SPPL2A: variants seen among roughly 807,000 people sequenced by gnomAD.
SPPL2A encodes signal peptide peptidase like 2A.
SPPL2A carries 51 observed loss-of-function variants against 63.8 expected under a neutral mutation model. That is an observed-to-expected ratio of 0.80 (90% confidence interval 0.64 to 1.01). The LOEUF is 1.01. Ranked by LOEUF, SPPL2A falls within the 50% of genes least tolerant of loss-of-function variation. SPPL2A has a pLI of 0.00. For missense variants in SPPL2A, 553 were observed against 622.7 expected (o/e 0.89, Z 1.19); for synonymous variants, 188 against 205.8 (o/e 0.91, Z 0.74).
chr15:50,732,525 T>C, intron 9 of SPPL2A, 78 bp downstream of exon 9: 1 of 838,116 alleles, frequency 1.2e-6, no homozygotes, highest in Non-Finnish European at 1.9e-6. Flanking sequence ...GCGCATTTAA[T>C]TGTAGGTAAA....
In SPPL2A at chr15:50,704,780, T is replaced by A. The variant is rs2141012591; in HGVS notation, c.*3020A>T. On this transcript the variant is annotated 3_prime_UTR_variant, in exon 15 of 15. Coordinates refer to ENST00000261854, the MANE Select transcript of SPPL2A (RefSeq NM_032802.4). ...GTCAGCTTGGTTGCTACACATTTAA[T>A]TACAATATAAAGTTGACATTGAGGA... 6.6e-6 allele frequency: 1 copy of A among 152,340 alleles called. No individual in the cohort carries two copies. The allele number at this position is 152,340 out of a possible 1,614,324, so 9.4% of individuals were successfully genotyped here. A position where few individuals can be genotyped will look rare whatever the true frequency, so the allele number is the denominator to read the frequency against.
intron 1 of SPPL2A, 129 bp from the exon 2 acceptor site, chr15:50,749,875 TTTC>T: frequency 1.6e-6 from 1 of 643,640 alleles, no homozygotes; most frequent in Non-Finnish European, 2.8e-6. Flanking sequence ...CATGAATTTG[TTTC>T]TTCTTGTTTG....
intron 6 of SPPL2A, among the ~76,000 whole-genome samples, chr15:50,736,971 G>C (rs2062776249): frequency 6.6e-6 from 1 of 151,986 alleles, no homozygotes; most frequent in African/African-American, 2.4e-5. Context: ...GAATGCAGTG[G>C]TGTAATCTCG....
intron 1 of SPPL2A, among the ~76,000 whole-genome samples, chr15:50,750,101 T>C (rs1027298042): frequency 6.6e-6 from 1 of 152,124 alleles, no homozygotes; most frequent in Non-Finnish European, 1.5e-5. Context: ...ATTACTTCAT[T>C]GTTTATATTA....
chr15:50,747,377 G>T, intron 5 of SPPL2A, 118 bp downstream of exon 5: 1 of 810,366 alleles, frequency 1.2e-6, no homozygotes, highest in Non-Finnish European at 2.1e-6. Context: ...CTGCAGACTG[G>T]GCTTACTGGC....
chr15:50,740,332 C>A (rs909218674), intron 5 of SPPL2A, among the ~76,000 whole-genome samples: 1 of 141,704 alleles, frequency 7.1e-6, no homozygotes, highest in African/African-American at 2.6e-5. Flanking sequence ...GAGGCTGAGG[C>A]GGGAGGATTG....
chr15:50,739,814 G>A lies in SPPL2A; in HGVS notation c.599C>T (p.Ala200Val), dbSNP rs61752332. The A allele has an allele frequency of 2.4e-3, 3,781 of 1,599,714 alleles. 10 individuals carry two copies. Among genetic ancestry groups the A allele is most frequent in the Middle Eastern group, 8.8e-3 (53 of 6,030 alleles). ...SGLVELENLK[A>V]VTTEDREMRK... ...CATTTCTCTATCTTCAGTTGTCACT[G>A]CTTTCAAGTTTTCCCTGTACAAACA... Residue 200 changes from alanine (A) to valine (V), a missense_variant, in exon 6 of 15, where the codon GCA (alanine) becomes GTA (valine). By Grantham distance (64) the Ala-to-Val change is moderately conservative. Transcript: ENST00000261854.
chr15:50,736,274 T>G (rs1418270875), intron 7 of SPPL2A, 72 bp from the exon 8 acceptor site: 2 of 897,332 alleles, frequency 2.2e-6, no homozygotes, highest in Non-Finnish European at 3.7e-6. Context: ...AAGTAGCAAA[T>G]ATTAACCACA....
chr15:50,707,573 A>G lies in SPPL2A; in HGVS notation c.*227T>C, dbSNP rs888408484. 19 of 483,744 alleles carry G rather than the reference A, an allele frequency of 3.9e-5. No individual in the cohort carries two copies. The South Asian group carries it at 5.8e-4, about 15-fold the overall frequency. 30.0% of individuals were successfully genotyped at this position (483,744 alleles called of 1,614,324 possible). A position where few individuals can be genotyped will look rare whatever the true frequency, so the allele number is the denominator to read the frequency against. Reference sequence around the variant, plus strand: ...ATATACTGTATATAGTACATCTCGGAAACTACACAGACCATATGTTTTATT... The same window carrying G: ...ATATACTGTATATAGTACATCTCGGGAACTACACAGACCATATGTTTTATT... On this transcript the variant is annotated 3_prime_UTR_variant, in exon 15 of 15. Transcript: ENST00000261854.
At position 50,706,741 on chromosome 15, in the gene SPPL2A, C is replaced by T. The variant is rs1028364432; in HGVS notation, c.*1059G>A. 4.6e-5 allele frequency: 7 copies of T among 151,566 alleles called. No individual in the cohort carries two copies. Among genetic ancestry groups the T allele is most frequent in the Non-Finnish European group, 8.8e-5 (6 of 67,910 alleles). 9.4% of individuals were successfully genotyped at this position (151,566 alleles called of 1,614,324 possible). A position where few individuals can be genotyped will look rare whatever the true frequency, so the allele number is the denominator to read the frequency against. ...AATCAAACCTTAACATTAACAGAACCAAATTGCAAAGATCAGAAATACCAA... is the reference window on the plus strand; with the variant it reads ...AATCAAACCTTAACATTAACAGAACTAAATTGCAAAGATCAGAAATACCAA... On this transcript the variant is annotated 3_prime_UTR_variant, in exon 15 of 15. Coordinates refer to ENST00000261854, the MANE Select transcript of SPPL2A (RefSeq NM_032802.4).
At chr15:50,742,391 C>CAA (rs35768341) in intron 5 of SPPL2A, among the ~76,000 whole-genome samples, 1 of 139,048 alleles carries the variant, frequency 7.2e-6, no homozygotes, top group African/African-American at 2.6e-5. Context: ...ACCTCGACTC[C>CAA]AAAAAAAAAA....
intron 8 of SPPL2A, among the ~76,000 whole-genome samples, 183 bp from the exon 9 acceptor site, chr15:50,732,867 C>A (rs2062741661): frequency 6.6e-6 from 1 of 151,894 alleles, no homozygotes; most frequent in Non-Finnish European, 1.5e-5. Context: ...CGGCTAACTG[C>A]AACCTTCACC....
chr15:50,762,735 C>CTTTTTT (rs72181864), intron 1 of SPPL2A, among the ~76,000 whole-genome samples: 1 of 137,086 alleles, frequency 7.3e-6, no homozygotes, highest in Non-Finnish European at 1.6e-5. Context: ...TTTTTCTTTT[C>CTTTTTT]TTTTTTTTTT....
At chr15:50,720,813 C>T (rs1054838902) in intron 13 of SPPL2A, among the ~76,000 whole-genome samples, 11 of 151,986 alleles carry the variant, frequency 7.2e-5, no homozygotes, top group Admixed American at 7.2e-4. Context: ...AGCACCGCGC[C>T]CGGCCTGAAC....
At chr15:50,722,982 A>C (rs1160234415) in intron 12 of SPPL2A, among the ~76,000 whole-genome samples, 3 of 152,212 alleles carry the variant, frequency 2.0e-5, no homozygotes, top group Non-Finnish European at 2.9e-5. Flanking sequence ...AAACAACCCA[A>C]TTAGAAAATG....
At chr15:50,747,917 T>A (rs2062872122) in intron 4 of SPPL2A, 196 bp downstream of exon 4, 2 of 460,992 alleles carry the variant, frequency 4.3e-6, no homozygotes, top group South Asian at 1.1e-4. Context: ...AAAACAAACA[T>A]CCTTTCTAAA....
intron 12 of SPPL2A, among the ~76,000 whole-genome samples, chr15:50,722,696 C>T (rs2062657974): frequency 6.6e-6 from 1 of 152,196 alleles, no homozygotes; most frequent in Non-Finnish European, 1.5e-5. Flanking sequence ...ACCTCGTGAT[C>T]CACTGGTCTT....
At chr15:50,710,150 C>G (rs2062544996) in intron 14 of SPPL2A, among the ~76,000 whole-genome samples, 1 of 152,122 alleles carries the variant, frequency 6.6e-6, no homozygotes, top group Non-Finnish European at 1.5e-5. Flanking sequence ...GCAGCCTCAG[C>G]AGAATGGATG....
Position 50,707,581 on chromosome 15 carries a change from C to T in SPPL2A, c.*219G>A. ...TATATAGTACATCTCGGAAACTACA[C>T]AGACCATATGTTTTATTTAATGTGA... On this transcript the variant is annotated 3_prime_UTR_variant, in exon 15 of 15. Coordinates refer to ENST00000261854, the MANE Select transcript of SPPL2A (RefSeq NM_032802.4). The T allele has an allele frequency of 2.0e-6, 1 of 504,976 alleles. No homozygotes were observed. The highest frequency in any genetic ancestry group is 3.5e-6 in the Non-Finnish European group (1 of 284,642). 31.3% of individuals were successfully genotyped at this position (504,976 alleles called of 1,614,324 possible). A position where few individuals can be genotyped will look rare whatever the true frequency, so the allele number is the denominator to read the frequency against.
Sources: gnomAD v4.1 joint callset for allele counts (sites outside exome capture counted in the v4.1 genomes callset) on GRCh38, gnomAD v4.1.1 for gene constraint, MANE v1.5 for transcripts, NCBI Gene and HGNC (gene_info 2026-07-23, HGNC 2026-07-21) for gene names.